The following TRPM3 variants were observed in gnomAD, a reference collection of about 807,000 sequenced individuals.
TRPM3 encodes long transient receptor potential channel 3.
Under a neutral mutation model 181.2 loss-of-function variants are expected in TRPM3, and 77 were observed. That is an observed-to-expected ratio of 0.42 (90% CI 0.35 to 0.51). TRPM3 has a LOEUF of 0.51. Among genes scored for constraint, TRPM3 ranks in the 20% least tolerant of loss-of-function variants. The pLI, the probability that TRPM3 is intolerant of heterozygous loss-of-function variation, is 0.01. For missense variants in TRPM3, 1,759 were observed against 2,196.7 expected (o/e 0.80, Z 3.98); for synonymous variants, 745 against 796.4 (o/e 0.94, Z 1.09).
At chr9:71,068,911 T>C (rs2062312125) in intron 1 of TRPM3, among the ~76,000 whole-genome samples, 1 of 152,162 alleles carries the variant, frequency 6.6e-6, no homozygotes, top group South Asian at 2.1e-4. Flanking sequence ...TATAATATGA[T>C]CCAATCTATC....
At chr9:71,419,918 A>G (rs552517656) in intron 1 of TRPM3, among the ~76,000 whole-genome samples, 1 of 152,098 alleles carries the variant, frequency 6.6e-6, no homozygotes, top group East Asian at 1.9e-4. Flanking sequence ...TATAATTCTG[A>G]CATTCTGAAC....
intron 8 of TRPM3, among the ~76,000 whole-genome samples, chr9:70,752,047 TGTGCGC>T (rs779630549): frequency 0.014 from 1,377 of 97,786 alleles, 27 homozygotes; most frequent in African/African-American, 0.044. Context: ...TGTGTGTGTG[TGTGCGC>T]GCGCGCGCGC....
At chr9:71,327,163 T>C (rs939955279) in intron 1 of TRPM3, among the ~76,000 whole-genome samples, 2 of 152,236 alleles carry the variant, frequency 1.3e-5, no homozygotes, top group Non-Finnish European at 2.9e-5. Flanking sequence ...TCTGCCTTCT[T>C]GTGGTCTGAG....
chr9:71,361,556 C>G (rs1049360760), intron 1 of TRPM3, among the ~76,000 whole-genome samples: 4 of 152,136 alleles, frequency 2.6e-5, no homozygotes, highest in African/African-American at 9.7e-5. Context: ...ATATGAAGGG[C>G]TCAGGTATGT....
chr9:71,335,229 A>G (rs560005563), intron 1 of TRPM3, among the ~76,000 whole-genome samples: 3 of 152,280 alleles, frequency 2.0e-5, no homozygotes, highest in South Asian at 4.1e-4. Flanking sequence ...AAGATTTTCT[A>G]TTTAGCATTG....
chr9:70,765,008 T>C (rs1337841052), intron 7 of TRPM3, among the ~76,000 whole-genome samples: 1 of 152,206 alleles, frequency 6.6e-6, no homozygotes, highest in East Asian at 1.9e-4. Flanking sequence ...TGGTTTAACA[T>C]ACACAATGGA....
intron 1 of TRPM3, among the ~76,000 whole-genome samples, chr9:71,213,242 T>C (rs765940982): frequency 6.6e-6 from 1 of 152,174 alleles, no homozygotes; most frequent in African/African-American, 2.4e-5. Context: ...TACTAAAATT[T>C]ACATTTCATG....
chr9:71,152,889 G>A lies in TRPM3; in HGVS notation c.184-288378C>T, dbSNP rs2075805334. 3.3e-5 allele frequency among the ~76,000 whole-genome samples: 5 copies of A among 152,120 alleles called. No homozygotes were observed. In the South Asian group the frequency reaches 1.0e-3, roughly 32 times the overall value. On this transcript the variant is annotated intron_variant, in intron 1 of 24. Coordinates refer to the TRPM3 transcript ENST00000357533. ...GGCACTGTGTTTGGTAGACATAAAG[G>A]ATAAAACAACAGTGGCCTTACCCTG...
chr9:70,829,579 G>A (rs2093765730), intron 5 of TRPM3, among the ~76,000 whole-genome samples: 1 of 152,110 alleles, frequency 6.6e-6, no homozygotes, highest in Non-Finnish European at 1.5e-5. Flanking sequence ...ATTTAATGTA[G>A]TATTGCTATA....
At chr9:71,077,710 G>C (rs1323642636) in intron 1 of TRPM3, among the ~76,000 whole-genome samples, 4 of 151,918 alleles carry the variant, frequency 2.6e-5, no homozygotes, top group African/African-American at 4.8e-5. Context: ...GTGGACGGTA[G>C]AGACCGTGAA....
chr9:70,649,672 G>C (rs975810319), intron 9 of TRPM3, among the ~76,000 whole-genome samples: 1 of 152,036 alleles, frequency 6.6e-6, no homozygotes, highest in Admixed American at 6.6e-5. Context: ...CAAAGAAAAG[G>C]GAATGCTTAT....
chr9:71,252,072 T>C (rs1009118706), intron 1 of TRPM3, among the ~76,000 whole-genome samples: 1 of 152,190 alleles, frequency 6.6e-6, no homozygotes, highest in Admixed American at 6.5e-5. Flanking sequence ...TCCATTTCCT[T>C]ATTCATTCAT....
At chr9:71,246,949 A>G (rs2082067050) in intron 1 of TRPM3, among the ~76,000 whole-genome samples, 1 of 152,214 alleles carries the variant, frequency 6.6e-6, no homozygotes, top group Non-Finnish European at 1.5e-5. Context: ...AGCAAAATGG[A>G]AACTATTTCA....
chr9:71,427,905 A>AACTTT (rs2131590456), intron 1 of TRPM3, among the ~76,000 whole-genome samples: 1 of 152,280 alleles, frequency 6.6e-6, no homozygotes, highest in South Asian at 2.1e-4. Flanking sequence ...TACCCCCTGG[A>AACTTT]TCTGAAATAA....
intron 20 of TRPM3, among the ~76,000 whole-genome samples, chr9:70,600,792 G>A (rs1378608195): frequency 2.0e-5 from 3 of 152,218 alleles, no homozygotes; most frequent in Non-Finnish European, 4.4e-5. Flanking sequence ...GGGAGAGGGG[G>A]TTGATGGGCA....
At chr9:71,421,505 C>A (rs1002140051) in intron 1 of TRPM3, among the ~76,000 whole-genome samples, 2 of 151,922 alleles carry the variant, frequency 1.3e-5, no homozygotes, top group Non-Finnish European at 2.9e-5. Context: ...ACTTTAGACC[C>A]TTATCAGCCT....
chr9:70,864,383 T>C (rs2095593988), intron 2 of TRPM3, 49 bp downstream of exon 2: 24 of 1,316,604 alleles, frequency 1.8e-5, no homozygotes, highest in Non-Finnish European at 2.3e-5. Flanking sequence ...TGCAGGTTTT[T>C]TGTATAATTA....
intron 1 of TRPM3, among the ~76,000 whole-genome samples, chr9:71,411,756 T>G (rs532089265): frequency 6.6e-6 from 1 of 152,150 alleles, no homozygotes; most frequent in African/African-American, 2.4e-5. Context: ...ACTTTGAATT[T>G]CATATGGAAC....
rs186720351 is a variant in TRPM3 at position 70,885,760 on chromosome 9, T to C, written c.178-21249A>G. On this transcript the variant is annotated intron_variant, in intron 1 of 25. Coordinates refer to ENST00000677713, the MANE Select transcript of TRPM3 (RefSeq NM_001366145.2). ...ATTAACTCCTTCTTTTTGTACTACA[T>C]GTTTACTTCTGCTTTTGTCTAGAAA... Among the ~76,000 whole-genome samples the C allele has an allele frequency of 6.0e-4, 92 of 152,332 alleles. 1 individual carries two copies. The highest frequency in any genetic ancestry group is 1.1e-3 in the Non-Finnish European group (74 of 68,028).
Sources: gnomAD v4.1 joint callset for allele counts (sites outside exome capture counted in the v4.1 genomes callset) on GRCh38, gnomAD v4.1.1 for gene constraint, MANE v1.5 for transcripts, NCBI Gene and HGNC (gene_info 2026-07-23, HGNC 2026-07-21) for gene names.